IER2: variants seen among roughly 807,000 people sequenced by gnomAD.
IER2 encodes immediate early response 2.
For synonymous variants in IER2, 198 were observed against 149.6 expected (o/e 1.32, Z -2.36); for missense variants, 372 against 325.4 (o/e 1.14, Z -1.10).
rs142558681 is a variant in IER2, at chr19:13,154,471, G to C, written c.*613G>C. The C allele has an allele frequency of 1.2e-5, 2 of 167,636 alleles. No homozygotes were observed. Among genetic ancestry groups the C allele is most frequent in the Non-Finnish European group, 2.9e-5 (2 of 68,348 alleles). The allele number at this position is 167,636 out of a possible 1,614,324, so 10.4% of individuals were successfully genotyped here. Reference sequence around the variant, plus strand: ...GGGCGTGCACCCGCCCTGGGCAGTGGGGAGGAGAGTGGCCTGAGTTACTTC... The same window carrying C: ...GGGCGTGCACCCGCCCTGGGCAGTGCGGAGGAGAGTGGCCTGAGTTACTTC... On this transcript the variant is annotated 3_prime_UTR_variant, in exon 2 of 2. Coordinates refer to ENST00000292433, the MANE Select transcript of IER2 (RefSeq NM_004907.3).
Position 13,150,817 on chromosome 19 carries a change from G to A in IER2, c.-244+265G>A, listed in dbSNP as rs1376205241. On this transcript the variant is annotated intron_variant, in intron 1 of 1. Transcript: ENST00000292433. This position sits in a 1 kb window ranked among gnomAD's most constrained non-coding sequence, Gnocchi z 4.0. ...CCAATCTCTTTCCTGAGAAGTGGCG[G>A]AGTTGGGGGCACTTCGAGGTCGCCT... Among the ~76,000 whole-genome samples the A allele has an allele frequency of 6.6e-6, 1 of 152,230 alleles. No homozygotes were observed. The highest frequency in any genetic ancestry group is 1.5e-5 in the Non-Finnish European group (1 of 68,038).
rs1431346924 is a variant in IER2, at chr19:13,153,188, TG to T, written c.4del (p.Glu2?). 2 of 1,505,584 alleles carry T rather than the reference TG, an allele frequency of 1.3e-6. No homozygotes were observed. The highest frequency in any genetic ancestry group is 1.8e-6 in the Non-Finnish European group (2 of 1,127,298). 93.3% of individuals were successfully genotyped at this position (1,505,584 alleles called of 1,614,324 possible). A position where few individuals can be genotyped will look rare whatever the true frequency, so the allele number is the denominator to read the frequency against. On this transcript the variant is annotated frameshift_variant and start_lost, in exon 2 of 2. Transcript: ENST00000292433. LOFTEE classifies it low-confidence loss of function (END_TRUNC). [M>X]EVQKEAQRIM... ...CGCCGCTGTCGCCGTCGAGTCGCCATGGAAGTGCAGAAAGAGGCACAGCGCA... is the reference window on the plus strand; with the variant it reads ...CGCCGCTGTCGCCGTCGAGTCGCCATGAAGTGCAGAAAGAGGCACAGCGCA...
intron 1 of IER2, among the ~76,000 whole-genome samples, chr19:13,151,307 G>C (rs888619906): frequency 4.6e-5 from 7 of 151,952 alleles, no homozygotes. Flanking sequence ...CTGCGTCTTC[G>C]GCAGGTCGTC....
At chr19:13,151,284 G>C (rs2020054005) in intron 1 of IER2, among the ~76,000 whole-genome samples, 1 of 152,064 alleles carries the variant, frequency 6.6e-6, no homozygotes, top group Non-Finnish European at 1.5e-5. Context: ...AAGGTTAGCG[G>C]GGTGGGGACG....
rs769606153 is a variant in IER2 at position 13,153,748 on chromosome 19, T to C, written c.562T>C (p.Cys188Arg). 6.3e-7 allele frequency: 1 copy of C among 1,593,750 alleles called. No homozygotes were observed. The highest frequency in any genetic ancestry group is 1.7e-5 in the Admixed American group (1 of 58,578). Residue 188 changes from cysteine (C) to arginine (R), a missense_variant, in exon 2 of 2, where the codon TGC becomes CGC. Cys to Arg is a radical substitution (Grantham distance 180). Transcript: ENST00000292433. The stretch of plus-strand genomic sequence containing the variant: ...GAGGCGCTTCTCCGGCCTCCTGAAC[T>C]GCAGCCCCGCGGCCCCTCCGACGGC... ...LQRRFSGLLNCSPAAPPTAPP... is the reference protein window; with the variant it reads ...LQRRFSGLLNRSPAAPPTAPP...
Position 13,153,488 on chromosome 19 carries a change from C to T in IER2, c.302C>T (p.Ala101Val), listed in dbSNP as rs565313289. 6.3e-7 allele frequency: 1 copy of T among 1,586,198 alleles called. No individual in the cohort carries two copies. The highest frequency in any genetic ancestry group is 1.1e-5 in the South Asian group (1 of 88,204). ...PFPEPMDTQE[A>V]PTAEETSACC... ...CCGGAGCCAATGGACACGCAGGAGG[C>T]GCCGACAGCCGAGGAGACCTCCGCC... Residue 101 changes from alanine to valine, a missense_variant, in exon 2 of 2, where the codon GCG becomes GTG. By Grantham distance (64) the Ala-to-Val change is moderately conservative. Coordinates refer to ENST00000292433, the MANE Select transcript of IER2 (RefSeq NM_004907.3).
chr19:13,152,027 G>A (rs2020070926), intron 1 of IER2: 1 of 152,268 alleles, frequency 6.6e-6, no homozygotes, highest in African/African-American at 2.4e-5. Context: ...AATGAATGGA[G>A]CCATTCGAAC....
Position 13,150,419 on chromosome 19 carries a change from C to G in IER2, c.-377C>G. The G allele has an allele frequency of 2.0e-6, 1 of 488,900 alleles. No homozygotes were observed. Among genetic ancestry groups the G allele is most frequent in the Non-Finnish European group, 3.6e-6 (1 of 275,970 alleles). 30.3% of individuals were successfully genotyped at this position (488,900 alleles called of 1,614,324 possible). A position where few individuals can be genotyped will look rare whatever the true frequency, so the allele number is the denominator to read the frequency against. On this transcript the variant is annotated 5_prime_UTR_variant, in exon 1 of 2. Coordinates refer to ENST00000292433, the MANE Select transcript of IER2 (RefSeq NM_004907.3). This position sits in a 1 kb window ranked among gnomAD's most constrained non-coding sequence, Gnocchi z 4.0. ...ACATGCCCCCGCCCCTTAGCCCTCTCGTGCCGCACCGTAGGGGGCGGTGTC... is the reference window on the plus strand; with the variant it reads ...ACATGCCCCCGCCCCTTAGCCCTCTGGTGCCGCACCGTAGGGGGCGGTGTC...
At position 13,153,307 on chromosome 19, in the gene IER2, C is replaced by A; in HGVS notation, c.121C>A (p.Arg41Ser). The A allele has an allele frequency of 1.2e-6, 2 of 1,603,284 alleles. No homozygotes were observed. The highest frequency in any genetic ancestry group is 1.3e-5 in the African/African-American group (1 of 74,678). Residue 41 changes from arginine (R) to serine (S), a missense_variant, in exon 2 of 2, where the codon CGC becomes AGC. Physicochemically the swap from Arg to Ser is moderately radical, Grantham distance 110. Transcript: ENST00000292433. ...HRSLQLSLVM[R>S]SARELYLSAK... ...GAGTCTGCAGCTGTCGCTGGTCATG[C>A]GCAGCGCCCGGGAGCTCTACCTCTC...
At position 13,153,336 on chromosome 19, in the gene IER2, C is replaced by T; in HGVS notation, c.150C>T (p.Ala50=). The T allele has an allele frequency of 6.2e-7, 1 of 1,602,992 alleles. No homozygotes were observed. The highest frequency in any genetic ancestry group is 2.3e-5 in the East Asian group (1 of 44,294). Residue 50 remains alanine (A), a synonymous_variant, in exon 2 of 2, where the codon GCC becomes GCT. Transcript: ENST00000292433. ...MRSARELYLS[A]KVEALEPEVS... is the part of the protein sequence containing the mutation. ...GCGCCCGGGAGCTCTACCTCTCGGC[C>T]AAGGTGGAGGCCCTCGAGCCCGAGG...
At position 13,153,634 on chromosome 19, in the gene IER2, G is replaced by A. The variant is rs753652107; in HGVS notation, c.448G>A (p.Glu150Lys). The stretch of plus-strand genomic sequence containing the variant: ...CCGTCTGGAAGAAAAGGAAGAAGAG[G>A]AGGGAGCGTCATCCGAAGTCGCCGA... ...KARLEEKEEE[E>K]GASSEVADRL... Residue 150 changes from glutamate to lysine, a missense_variant, in exon 2 of 2, where the codon GAG becomes AAG. Physicochemically the swap from Glu to Lys is moderately conservative, Grantham distance 56 (BLOSUM62 1). Coordinates refer to ENST00000292433, the MANE Select transcript of IER2 (RefSeq NM_004907.3). 6 of 1,613,256 alleles carry A rather than the reference G, an allele frequency of 3.7e-6. No individual in the cohort carries two copies. The highest frequency in any genetic ancestry group is 5.1e-6 in the Non-Finnish European group (6 of 1,179,738).
At chr19:13,151,466 T>C (rs2020057415) in intron 1 of IER2, among the ~76,000 whole-genome samples, 1 of 129,602 alleles carries the variant, frequency 7.7e-6, no homozygotes, top group African/African-American at 3.0e-5. Flanking sequence ...GGGTCAGGAA[T>C]AACCTGGGAG....
chr19:13,150,459 G>T lies in IER2; in HGVS notation c.-337G>T, dbSNP rs571627914. 225 of 392,618 alleles carry T rather than the reference G, an allele frequency of 5.7e-4. No homozygotes were observed. Among genetic ancestry groups the T allele is most frequent in the Non-Finnish European group, 9.2e-4 (200 of 218,270 alleles). 24.3% of individuals were successfully genotyped at this position (392,618 alleles called of 1,614,324 possible). ...GGGGCGGTGTCGGAGTTCTGTCTGGGCCTATTCGGGTCCGAGTTCGGAATT... is the reference window on the plus strand; with the variant it reads ...GGGGCGGTGTCGGAGTTCTGTCTGGTCCTATTCGGGTCCGAGTTCGGAATT... On this transcript the variant is annotated 5_prime_UTR_variant, in exon 1 of 2. Transcript: ENST00000292433. This position sits in a 1 kb window ranked among gnomAD's most constrained non-coding sequence, Gnocchi z 4.0.
chr19:13,151,588 C>T (rs1483320968), intron 1 of IER2, among the ~76,000 whole-genome samples: 2 of 152,038 alleles, frequency 1.3e-5, no homozygotes, highest in Admixed American at 6.5e-5. Context: ...TGGGAGATGG[C>T]GTCCCTGGGA....
intron 1 of IER2, chr19:13,152,614 A>G (rs2020079170): frequency 6.6e-6 from 1 of 152,290 alleles, no homozygotes; most frequent in South Asian, 2.1e-4. Flanking sequence ...TGTTAGCATG[A>G]TTATTGGTGC....
chr19:13,153,453 G>A lies in IER2; in HGVS notation c.267G>A (p.Glu89=). ...STAETATPDG[E]HPFPEPMDTQ... is the part of the protein sequence containing the mutation. ...CCGAGACAGCGACCCCCGACGGTGA[G>A]CACCCGTTTCCGGAGCCAATGGACA... The change falls in exon 2 of 2, where the codon GAG becomes GAA. Residue 89 remains glutamate, a synonymous_variant. Coordinates refer to ENST00000292433, the MANE Select transcript of IER2 (RefSeq NM_004907.3). 1.3e-6 allele frequency: 2 copies of A among 1,595,848 alleles called. No individual in the cohort carries two copies.
intron 1 of IER2, among the ~76,000 whole-genome samples, chr19:13,151,686 C>A (rs896102544): frequency 6.6e-6 from 1 of 152,230 alleles, no homozygotes; most frequent in Non-Finnish European, 1.5e-5. Flanking sequence ...AAACTCTCCT[C>A]TTCCCCCACC....
rs992086410 is a variant in IER2 at position 13,153,017 on chromosome 19, T to G, written c.-170T>G. On this transcript the variant is annotated 5_prime_UTR_variant, in exon 2 of 2. Coordinates refer to ENST00000292433, the MANE Select transcript of IER2 (RefSeq NM_004907.3). ...GGGCGGGGTGTCTCAGTGACGTCAC[T>G]GGGGGTATAAAAGGGCCTGGGTGGC... The G allele has an allele frequency of 1.3e-5, 6 of 460,286 alleles. No individual in the cohort carries two copies. Among genetic ancestry groups the G allele is most frequent in the Non-Finnish European group, 2.3e-5 (6 of 263,402 alleles). 28.5% of individuals were successfully genotyped at this position (460,286 alleles called of 1,614,324 possible).
intron 1 of IER2, among the ~76,000 whole-genome samples, chr19:13,151,174 G>A (rs2020051588): frequency 6.6e-6 from 1 of 151,758 alleles, no homozygotes; most frequent in African/African-American, 2.4e-5. Flanking sequence ...GGTTATCTGA[G>A]GGAGTCCTCG....
Sources: gnomAD v4.1 joint callset for allele counts (sites outside exome capture counted in the v4.1 genomes callset) on GRCh38, gnomAD v4.1.1 for gene constraint, Gnocchi (gnomAD v3.1) non-coding constraint, MANE v1.5 for transcripts, NCBI Gene and HGNC (gene_info 2026-07-23, HGNC 2026-07-21) for gene names.